DCDC2: variants seen among roughly 807,000 people sequenced by gnomAD.
The protein encoded by DCDC2 is doublecortin domain containing 2.
In DCDC2, 40 loss-of-function variants were observed where a neutral mutation model predicts 50.2. The observed-to-expected ratio is 0.80, with a 90% CI of 0.62 to 1.04. The LOEUF (loss-of-function observed/expected upper bound fraction) is 1.04. Ranked by LOEUF, DCDC2 falls within the 50% of genes least tolerant of loss-of-function variation. The pLI, the probability that DCDC2 is intolerant of heterozygous loss-of-function variation, is 0.00. For missense variants in DCDC2, 570 were observed against 581.9 expected, an observed-to-expected ratio of 0.98 and a Z score of 0.21; for synonymous variants, 234 against 210.6, an observed-to-expected ratio of 1.11 and a Z score of -0.96.
In DCDC2 at chr6:24,306,543, T is replaced by TAGATAGATAGACAGAC. The variant is rs1209633765; in HGVS notation, c.349-4500_349-4499insGTCTGTCTATCTATCT. 6.8e-3 allele frequency among the ~76,000 whole-genome samples: 786 copies of TAGATAGATAGACAGAC among 115,654 alleles called. 7 individuals are homozygous for TAGATAGATAGACAGAC. Among genetic ancestry groups the TAGATAGATAGACAGAC allele is most frequent in the Middle Eastern group, 0.018 (4 of 228 alleles). 75.9% of individuals were successfully genotyped at this position (115,654 alleles called of 152,430 possible). On this transcript the variant is annotated intron_variant, in intron 2 of 9. Transcript: ENST00000378454. Reference sequence around the variant, plus strand: ...ATAGATAGATAGATAGATAGATAGATAGACAGACAGACAGACAGACAGACA... The same window carrying TAGATAGATAGACAGAC: ...ATAGATAGATAGATAGATAGATAGATAGATAGATAGACAGACAGACAGACAGACAGACAGACAGACA...
chr6:24,256,975 C>A (rs1383872128), intron 7 of DCDC2, among the ~76,000 whole-genome samples: 1 of 152,106 alleles, frequency 6.6e-6, no homozygotes, highest in Non-Finnish European at 1.5e-5. Flanking sequence ...ATTAATTTTT[C>A]AGTTTTCTCT....
intron 2 of DCDC2, among the ~76,000 whole-genome samples, chr6:24,305,958 G>A (rs1285916705): frequency 6.6e-6 from 1 of 152,054 alleles, no homozygotes; most frequent in Non-Finnish European, 1.5e-5. Flanking sequence ...AACCCAGAAG[G>A]CAGTGGTTGC....
chr6:24,371,185 G>A, the DCDC2 span, among the ~76,000 whole-genome samples: 2 of 151,070 alleles, frequency 1.3e-5, no homozygotes. Context: ...GCTGAGGCGG[G>A]AGAATCGTGT....
intron 7 of DCDC2, among the ~76,000 whole-genome samples, chr6:24,269,361 G>C (rs138957624): frequency 9.8e-4 from 150 of 152,306 alleles, no homozygotes; most frequent in South Asian, 2.9e-3. Context: ...GTCAATGCTT[G>C]CAACATAATT....
At chr6:24,342,843 T>C (rs577661156) in intron 2 of DCDC2, among the ~76,000 whole-genome samples, 3 of 152,322 alleles carry the variant, frequency 2.0e-5, no homozygotes, top group Admixed American at 2.0e-4. Flanking sequence ...CAATTATTAA[T>C]TGGGTCTAAA....
At chr6:24,310,850 A>G (rs1759558618) in intron 2 of DCDC2, among the ~76,000 whole-genome samples, 1 of 152,164 alleles carries the variant, frequency 6.6e-6, no homozygotes, top group South Asian at 2.1e-4. Flanking sequence ...ATGTTACCAC[A>G]GGACACATCG....
chr6:24,178,189 T>G (rs920805838), intron 9 of DCDC2, 141 bp downstream of exon 9: 6 of 802,522 alleles, frequency 7.5e-6, no homozygotes, highest in Non-Finnish European at 1.2e-5. Flanking sequence ...GTAAAGGGAT[T>G]AAATGGTATT....
chr6:24,178,970 A>G (rs745444359), intron 8 of DCDC2, among the ~76,000 whole-genome samples: 1 of 152,036 alleles, frequency 6.6e-6, no homozygotes, highest in Non-Finnish European at 1.5e-5. Flanking sequence ...TGTAACCCCC[A>G]TGGCAGATAG....
chr6:24,319,907 T>G (rs1417512337), intron 2 of DCDC2, among the ~76,000 whole-genome samples: 1 of 152,046 alleles, frequency 6.6e-6, no homozygotes, highest in Non-Finnish European at 1.5e-5. Flanking sequence ...TGGCAAATAA[T>G]TAAAACCAAC....
intron 4 of DCDC2, among the ~76,000 whole-genome samples, chr6:24,293,868 CTT>C: frequency 6.6e-6 from 1 of 152,238 alleles, no homozygotes; most frequent in East Asian, 1.9e-4. Context: ...GAAACCAAGA[CTT>C]TAAAAATTGC....
At chr6:24,184,774 T>C (rs1761154805) in intron 8 of DCDC2, among the ~76,000 whole-genome samples, 1 of 152,148 alleles carries the variant, frequency 6.6e-6, no homozygotes, top group Non-Finnish European at 1.5e-5. Context: ...TTAAATTACC[T>C]CTGAAAATTG....
rs138670560 is a variant in DCDC2, at chr6:24,357,529, G to T, written c.222C>A (p.Ile74=). The change falls in exon 1 of 10, where the codon ATC becomes ATA. Residue 74 remains isoleucine (I), a synonymous_variant. Coordinates refer to ENST00000378454, the MANE Select transcript of DCDC2 (RefSeq NM_016356.5). ...CGCTCTGGATCTGGTCTAGCTTCCGGATTCGGTGGCCAGTCCGCGGGGTGT... is the reference window on the plus strand; with the variant it reads ...CGCTCTGGATCTGGTCTAGCTTCCGTATTCGGTGGCCAGTCCGCGGGGTGT... ...NIYTPRTGHR[I]RKLDQIQSGG... The T allele has an allele frequency of 2.3e-4, 366 of 1,613,552 alleles. 1 individual carries two copies. Among genetic ancestry groups the T allele is most frequent in the Middle Eastern group, 8.2e-4 (5 of 6,062 alleles).
intron 7 of DCDC2, among the ~76,000 whole-genome samples, chr6:24,276,145 A>G (rs990870424): frequency 2.0e-5 from 3 of 152,094 alleles, no homozygotes; most frequent in African/African-American, 7.2e-5. Context: ...CTGGGATCAC[A>G]AGCGTGAGCC....
At chr6:24,270,894 C>T (rs1300219167) in intron 7 of DCDC2, among the ~76,000 whole-genome samples, 1 of 151,932 alleles carries the variant, frequency 6.6e-6, no homozygotes, top group Non-Finnish European at 1.5e-5. Flanking sequence ...ACCACTGGGG[C>T]GGATGCATAT....
At chr6:24,250,887 T>A (rs1762781539) in intron 7 of DCDC2, among the ~76,000 whole-genome samples, 2 of 152,216 alleles carry the variant, frequency 1.3e-5, no homozygotes, top group Admixed American at 1.3e-4. Flanking sequence ...AAATGTAATT[T>A]ATTTCTACTG....
chr6:24,357,150 A>C, intron 1 of DCDC2: 1 of 256,288 alleles, frequency 3.9e-6, no homozygotes, highest in Non-Finnish European at 7.3e-6. Context: ...CTGAACAGAA[A>C]ACGCAAAAGT....
chr6:24,205,649 C>G (rs1761704553), intron 7 of DCDC2, among the ~76,000 whole-genome samples: 1 of 152,072 alleles, frequency 6.6e-6, no homozygotes, highest in Admixed American at 6.6e-5. Flanking sequence ...TTCTGCAGAT[C>G]TCCACAAGAT....
intron 1 of DCDC2, among the ~76,000 whole-genome samples, chr6:24,355,274 C>CT (rs369167480): frequency 1.4e-4 from 21 of 147,818 alleles, no homozygotes; most frequent in East Asian, 1.2e-3. Context: ...GGAACTGTAC[C>CT]TTTTTTTTTT....
intron 7 of DCDC2, among the ~76,000 whole-genome samples, chr6:24,225,408 TAC>T (rs149354141): frequency 4.0e-5 from 6 of 151,348 alleles, no homozygotes; most frequent in Non-Finnish European, 5.9e-5. Context: ...TTAAACTTGA[TAC>T]ACACACACAC....
Sources: allele counts gnomAD v4.1 joint callset (sites outside exome capture counted in the v4.1 genomes callset), GRCh38; gene constraint gnomAD v4.1.1; transcripts MANE v1.5; gene names NCBI Gene and HGNC (gene_info 2026-07-23, HGNC 2026-07-21).